The following ZC3H3 variants were observed in gnomAD, a reference collection of about 807,000 sequenced individuals.
The protein encoded by ZC3H3 is zinc finger CCCH domain-containing protein 3.
ZC3H3 carries 36 observed loss-of-function variants against 77.3 expected under a neutral mutation model. That is an observed-to-expected ratio of 0.47 (90% CI 0.36 to 0.61). The LOEUF (loss-of-function observed/expected upper bound fraction) is 0.61. Ranked by LOEUF, ZC3H3 falls within the 20% of genes least tolerant of loss-of-function variation. ZC3H3 has a pLI of 0.00. For synonymous variants in ZC3H3, 626 were observed against 555.2 expected, an observed-to-expected ratio of 1.13 and a Z score of -1.79; for missense variants, 1,331 against 1,312.2, an observed-to-expected ratio of 1.01 and a Z score of -0.22.
intron 9 of ZC3H3, among the ~76,000 whole-genome samples, chr8:143,452,405 G>C (rs906339782): frequency 2.0e-5 from 3 of 152,166 alleles, no homozygotes; most frequent in Non-Finnish European, 2.9e-5. Flanking sequence ...TGGCAAGAAG[G>C]AGGCAGCCCC....
chr8:143,440,216 T>TGAGGAGGAGGAGGAG lies in ZC3H3; in HGVS notation c.2625_2639dup (p.Ser877_Ser881dup). 6.4e-7 allele frequency: 1 copy of TGAGGAGGAGGAGGAG among 1,568,102 alleles called. No homozygotes were observed. Among genetic ancestry groups the TGAGGAGGAGGAGGAG allele is most frequent in the East Asian group, 2.3e-5 (1 of 42,712 alleles). ...CGTGGTCCAAGGAAGCGGGAGGGGA[T>TGAGGAGGAGGAGGAG]GAGGAGGAGGAGGAGGAGGAGGAAG... is the stretch of plus-strand genomic sequence containing the variant. On this transcript the variant is annotated inframe_insertion, in exon 11 of 12. Transcript: ENST00000262577.
intron 3 of ZC3H3, among the ~76,000 whole-genome samples, chr8:143,524,338 T>C (rs1454149447): frequency 6.6e-6 from 1 of 152,230 alleles, no homozygotes; most frequent in East Asian, 1.9e-4. Context: ...CCTGGGAGTC[T>C]GGGCTAAGGT....
At chr8:143,439,807 C>A (rs140883583) in intron 11 of ZC3H3, among the ~76,000 whole-genome samples, 16 of 148,484 alleles carry the variant, frequency 1.1e-4, no homozygotes, top group African/African-American at 3.9e-4. Flanking sequence ...TGCCCGAGCC[C>A]GGCCATGCTG....
chr8:143,440,445 C>T, intron 10 of ZC3H3, 82 bp from the exon 11 acceptor site: 1 of 1,464,256 alleles, frequency 6.8e-7, no homozygotes, highest in South Asian at 1.4e-5. Flanking sequence ...CTCTTGGCTG[C>T]TTCCTGCTCC....
intron 9 of ZC3H3, among the ~76,000 whole-genome samples, chr8:143,450,732 T>C (rs1293977174): frequency 1.3e-5 from 2 of 152,134 alleles, no homozygotes; most frequent in East Asian, 1.9e-4. Flanking sequence ...ATCACAAGAA[T>C]AGCACTGGAG....
At position 143,473,734 on chromosome 8, in the gene ZC3H3, G is replaced by T. The variant is rs568909821; in HGVS notation, c.1903+1664C>A. 5.3e-5 allele frequency among the ~76,000 whole-genome samples: 8 copies of T among 152,332 alleles called. 1 individual carries two copies. Among genetic ancestry groups the T allele is most frequent in the Admixed American group, 3.9e-4 (6 of 15,304 alleles). On this transcript the variant is annotated intron_variant, in intron 5 of 11. Coordinates refer to ENST00000262577, the MANE Select transcript of ZC3H3 (RefSeq NM_015117.3). Reference sequence around the variant, plus strand: ...GCACCTCATGGCTTTGTCCCTGGGGGTCAAGCACGATGTCCTCAGAGCACC... The same window carrying T: ...GCACCTCATGGCTTTGTCCCTGGGGTTCAAGCACGATGTCCTCAGAGCACC...
At chr8:143,491,173 C>G (rs59539766) in intron 4 of ZC3H3, among the ~76,000 whole-genome samples, 4,434 of 152,296 alleles carry the variant, frequency 0.029, 238 homozygotes, top group African/African-American at 0.1. Flanking sequence ...ACAGGGGGCT[C>G]CGCCCTCCCC....
Position 143,460,289 on chromosome 8 carries a change from T to TAAAA in ZC3H3, c.2307+5424_2307+5427dup, listed in dbSNP as rs1820227875. 6.7e-6 allele frequency among the ~76,000 whole-genome samples: 1 copy of TAAAA among 150,150 alleles called. No homozygotes were observed. The highest frequency in any genetic ancestry group is 2.1e-4 in the South Asian group (1 of 4,792). On this transcript the variant is annotated intron_variant, in intron 9 of 11. Coordinates refer to ENST00000262577, the MANE Select transcript of ZC3H3 (RefSeq NM_015117.3). This position sits in a 1 kb window ranked among gnomAD's most constrained non-coding sequence, Gnocchi z 4.0. ...ATAAATAAATAAATAAATAAATAAA[T>TAAAA]AAAAGGCATCCCAATTGAAAAGGAA...
chr8:143,524,754 G>A (rs1822357463), intron 3 of ZC3H3, among the ~76,000 whole-genome samples: 1 of 152,258 alleles, frequency 6.6e-6, no homozygotes, highest in Non-Finnish European at 1.5e-5. Flanking sequence ...CAGCTCCCCG[G>A]GGGAACAAGA....
rs1161112474 is a variant in ZC3H3, at chr8:143,459,406, G to A, written c.2307+6311C>T. Among the ~76,000 whole-genome samples the A allele has an allele frequency of 3.9e-5, 6 of 152,122 alleles. No homozygotes were observed. The East Asian group carries it at 9.6e-4, about 24-fold the overall frequency. On this transcript the variant is annotated intron_variant, in intron 9 of 11. Coordinates refer to ENST00000262577, the MANE Select transcript of ZC3H3 (RefSeq NM_015117.3). ...TCTACTAAAACTACAAAAATTAGCT[G>A]GGCCTGGCAGCGCGTGCCTGAAATC...
At chr8:143,445,442 C>A in intron 9 of ZC3H3, among the ~76,000 whole-genome samples, 1 of 50,622 alleles carries the variant, frequency 2.0e-5, no homozygotes, top group Non-Finnish European at 3.6e-5. Flanking sequence ...GGTAGGAGGC[C>A]AGGGCGGGAG....
intron 9 of ZC3H3, among the ~76,000 whole-genome samples, chr8:143,461,556 G>A (rs961275737): frequency 1.3e-5 from 2 of 152,150 alleles, no homozygotes; most frequent in Admixed American, 6.5e-5. Context: ...GCTGGAGCGC[G>A]GACATTCGAG....
At chr8:143,525,978 G>A (rs1563880134) in intron 3 of ZC3H3, among the ~76,000 whole-genome samples, 2 of 152,224 alleles carry the variant, frequency 1.3e-5, no homozygotes, top group East Asian at 1.9e-4. Flanking sequence ...ATCGGCCTGC[G>A]GCTGGCCCAG....
rs1052191002 is a variant in ZC3H3 at position 143,530,653 on chromosome 8, C to T, written c.1561+5604G>A. 1.5e-4 allele frequency among the ~76,000 whole-genome samples: 23 copies of T among 152,108 alleles called. No individual in the cohort carries two copies. Among genetic ancestry groups the T allele is most frequent in the African/African-American group, 1.7e-4 (7 of 41,408 alleles). Reference sequence around the variant, plus strand: ...ATCTCAGGGTGGCCGAGCACAGCGACGGGCCCCAGGAGGATGTACCACGAA... The same window carrying T: ...ATCTCAGGGTGGCCGAGCACAGCGATGGGCCCCAGGAGGATGTACCACGAA... On this transcript the variant is annotated intron_variant, in intron 3 of 11. Transcript: ENST00000262577. The surrounding 1 kb of genome is among the most constrained non-coding windows in gnomAD (Gnocchi z 4.3).
intron 4 of ZC3H3, among the ~76,000 whole-genome samples, chr8:143,505,636 G>C (rs1057238984): frequency 6.6e-6 from 1 of 152,174 alleles, no homozygotes; most frequent in Non-Finnish European, 1.5e-5. Flanking sequence ...GCAAGGAGTG[G>C]AACAGGACTG....
chr8:143,437,681 T>C lies in ZC3H3; in HGVS notation c.*375A>G. 3.1e-6 allele frequency: 1 copy of C among 320,066 alleles called. No individual in the cohort carries two copies. The allele number at this position is 320,066 out of a possible 1,614,324, so 19.8% of individuals were successfully genotyped here. A position where few individuals can be genotyped will look rare whatever the true frequency, so the allele number is the denominator to read the frequency against. ...CAGTTACGGATAGAACCTTTATTGC[T>C]GAACATAAAACACCTGCCTGGGAGG... On this transcript the variant is annotated 3_prime_UTR_variant, in exon 12 of 12. Transcript: ENST00000262577.
At chr8:143,469,772 G>A (rs1301322450) in intron 5 of ZC3H3, among the ~76,000 whole-genome samples, 2 of 152,168 alleles carry the variant, frequency 1.3e-5, no homozygotes, top group African/African-American at 2.4e-5. Flanking sequence ...CCAGGATCAC[G>A]GGGTGGGCAG....
chr8:143,490,818 A>G (rs34231560), intron 4 of ZC3H3, among the ~76,000 whole-genome samples: 4,237 of 152,262 alleles, frequency 0.028, 177 homozygotes, highest in African/African-American at 0.096. Flanking sequence ...CGGAGGCTGA[A>G]GTGGGAGAAT....
At chr8:143,491,366 C>T (rs1485805462) in intron 4 of ZC3H3, among the ~76,000 whole-genome samples, 5 of 152,254 alleles carry the variant, frequency 3.3e-5, no homozygotes, top group Non-Finnish European at 7.3e-5. Flanking sequence ...CCTGCGGTTC[C>T]GCCAAGGTGG....
Sources: allele counts gnomAD v4.1 joint callset (sites outside exome capture counted in the v4.1 genomes callset), GRCh38; gene constraint gnomAD v4.1.1; non-coding constraint Gnocchi (gnomAD v3.1); transcripts MANE v1.5; gene names NCBI Gene and HGNC (gene_info 2026-07-23, HGNC 2026-07-21).